The following KALRN variants were observed in gnomAD, a reference collection of about 807,000 sequenced individuals.
The protein encoded by KALRN is kalirin RhoGEF kinase, also known as kalirin.
KALRN carries 70 observed loss-of-function variants against 353.7 expected under a neutral mutation model. The ratio of observed to expected loss-of-function variants is 0.20; its 90% confidence interval spans 0.16 to 0.24. The LOEUF (loss-of-function observed/expected upper bound fraction) is 0.24, where lower values mean the gene tolerates loss of function less well. KALRN is among the 10% of genes least tolerant of loss of function. The pLI is 1.00. For missense variants in KALRN, 2,791 were observed against 3,756.7 expected, an observed-to-expected ratio of 0.74 and a Z score of 6.72; for synonymous variants, 1,391 against 1,434.8, an observed-to-expected ratio of 0.97 and a Z score of 0.69.
At chr3:124,605,915 AAC>A (rs1453240888) in intron 34 of KALRN, among the ~76,000 whole-genome samples, 4 of 152,070 alleles carry the variant, frequency 2.6e-5, no homozygotes, top group African/African-American at 9.7e-5. Flanking sequence ...CCTCTATCCC[AAC>A]ACACACATCA....
intron 12 of KALRN, 138 bp from the exon 13 acceptor site, chr3:124,398,559 T>A: frequency 1.2e-6 from 1 of 852,134 alleles, no homozygotes; most frequent in Non-Finnish European, 1.9e-6. Flanking sequence ...ACAGCAGGAG[T>A]TTGATAAATG....
chr3:124,405,668 G>A (rs2150169244), intron 13 of KALRN, among the ~76,000 whole-genome samples: 1 of 139,080 alleles, frequency 7.2e-6, no homozygotes, highest in East Asian at 2.1e-4. Context: ...TTTTTTGACG[G>A]AGTCTCGCTC....
chr3:124,255,880 G>A (rs2071896932), intron 3 of KALRN, among the ~76,000 whole-genome samples: 1 of 152,228 alleles, frequency 6.6e-6, no homozygotes. Context: ...AGAGGCATGA[G>A]AGGGCAAACT....
chr3:124,203,766 G>A (rs1273782719), intron 1 of KALRN, among the ~76,000 whole-genome samples: 1 of 152,164 alleles, frequency 6.6e-6, no homozygotes, highest in Non-Finnish European at 1.5e-5. Flanking sequence ...GAGACATTAA[G>A]TAATTGCCCT....
intron 1 of KALRN, among the ~76,000 whole-genome samples, chr3:124,171,987 T>C (rs2071907705): frequency 6.6e-6 from 1 of 152,152 alleles, no homozygotes. Context: ...ATGCAGGGGT[T>C]TGGGAGGTGG....
At chr3:124,427,113 A>G (rs1001707993) in intron 15 of KALRN, among the ~76,000 whole-genome samples, 4 of 152,236 alleles carry the variant, frequency 2.6e-5, no homozygotes, top group African/African-American at 9.6e-5. Context: ...TGTGGAGAAT[A>G]CTGTGTTCAG....
chr3:124,184,469 C>T (rs2073976908), intron 1 of KALRN, among the ~76,000 whole-genome samples: 1 of 152,210 alleles, frequency 6.6e-6, no homozygotes, highest in Non-Finnish European at 1.5e-5. Flanking sequence ...TAGCCTAGCT[C>T]TACCTTGATC....
At chr3:124,259,625 AC>A (rs1431937338) in intron 3 of KALRN, among the ~76,000 whole-genome samples, 1 of 152,178 alleles carries the variant, frequency 6.6e-6, no homozygotes, top group African/African-American at 2.4e-5. Flanking sequence ...TAGTTTTCAT[AC>A]CCTTAGCTGC....
chr3:124,494,011 GA>G (rs2063451065), intron 32 of KALRN, among the ~76,000 whole-genome samples: 1 of 152,202 alleles, frequency 6.6e-6, no homozygotes, highest in African/African-American at 2.4e-5. Context: ...AATTAGAAAG[GA>G]AACAATTACA....
chr3:124,502,937 G>A (rs772117108), intron 33 of KALRN, among the ~76,000 whole-genome samples: 4 of 152,132 alleles, frequency 2.6e-5, no homozygotes, highest in African/African-American at 7.2e-5. Flanking sequence ...ATCCAAGACC[G>A]GGTCTCCAGC....
chr3:124,431,107 A>C (rs145917850), intron 16 of KALRN, among the ~76,000 whole-genome samples: 351 of 152,346 alleles, frequency 2.3e-3, no homozygotes, highest in African/African-American at 8.3e-3. Flanking sequence ...TGTAAAACTA[A>C]AAGTTTAGAA....
chr3:124,473,303 A>G (rs1426328338), intron 25 of KALRN, among the ~76,000 whole-genome samples: 3 of 152,228 alleles, frequency 2.0e-5, no homozygotes, highest in Admixed American at 2.0e-4. Flanking sequence ...AGTAATGCAG[A>G]ACCACTTTAT....
chr3:124,435,403 C>T (rs185512262), intron 17 of KALRN, among the ~76,000 whole-genome samples: 9 of 152,276 alleles, frequency 5.9e-5, no homozygotes, highest in Non-Finnish European at 1.2e-4. Flanking sequence ...AGTGTGTTAC[C>T]CTTTCATCTG....
At chr3:124,523,990 A>G (rs2067373465) in intron 33 of KALRN, among the ~76,000 whole-genome samples, 1 of 152,242 alleles carries the variant, frequency 6.6e-6, no homozygotes, top group African/African-American at 2.4e-5. Flanking sequence ...CATTGGGACC[A>G]TTCATTTATT....
chr3:124,115,743 A>AG (rs1317893096), intron 1 of KALRN, among the ~76,000 whole-genome samples: 1 of 152,142 alleles, frequency 6.6e-6, no homozygotes, highest in African/African-American at 2.4e-5. Flanking sequence ...GGTGTTAGCT[A>AG]GGGGCAGCAA....
At chr3:124,092,818 A>G (rs1044758182) in intron 1 of KALRN, among the ~76,000 whole-genome samples, 2 of 152,202 alleles carry the variant, frequency 1.3e-5, no homozygotes, top group Non-Finnish European at 2.9e-5. Flanking sequence ...CAGGGCAAAC[A>G]GGAGATGATA....
rs1578373526 is a variant in KALRN, at chr3:124,129,184, G to A, written c.73+95371G>A. 2.6e-5 allele frequency among the ~76,000 whole-genome samples: 4 copies of A among 152,158 alleles called. No homozygotes were observed. The South Asian group carries it at 8.3e-4, about 32-fold the overall frequency. ...TGAGGAAGGTCCGTCATACTCAGGA[G>A]CATTAGCAGAACGGTGCCCCAGCAT... On this transcript the variant is annotated intron_variant, in intron 1 of 59. Transcript: ENST00000682506.
intron 8 of KALRN, among the ~76,000 whole-genome samples, chr3:124,333,622 T>A (rs780626701): frequency 6.6e-6 from 1 of 152,142 alleles, no homozygotes; most frequent in Non-Finnish European, 1.5e-5. Context: ...GCACTGTGGC[T>A]CACACCTGTA....
intron 45 of KALRN, among the ~76,000 whole-genome samples, chr3:124,665,552 C>T (rs1445388124): frequency 6.6e-6 from 1 of 152,146 alleles, no homozygotes; most frequent in Non-Finnish European, 1.5e-5. Context: ...ACAACCTCTG[C>T]CTCCCAGGTT....
Sources: allele counts gnomAD v4.1 joint callset (sites outside exome capture counted in the v4.1 genomes callset), GRCh38; gene constraint gnomAD v4.1.1; transcripts MANE v1.5; gene names NCBI Gene and HGNC (gene_info 2026-07-23, HGNC 2026-07-21).